The following AFAP1 variants were observed in gnomAD, a reference collection of about 807,000 sequenced individuals.
AFAP1 encodes the protein actin filament associated protein 1.
AFAP1 carries 75 observed loss-of-function variants against 93.9 expected under a neutral mutation model. The ratio of observed to expected loss-of-function variants is 0.80; its 90% CI spans 0.66 to 0.97. The LOEUF is 0.97. AFAP1 is among the 50% of genes least tolerant of loss of function. The pLI is 0.00. For missense variants in AFAP1, 1,201 were observed against 1,050.8 expected, an observed-to-expected ratio of 1.14 and a Z score of -1.98; for synonymous variants, 517 against 430.7, an observed-to-expected ratio of 1.20 and a Z score of -2.48.
At chr4:7,899,435 T>C (rs1190905693) in intron 1 of AFAP1, among the ~76,000 whole-genome samples, 2 of 152,230 alleles carry the variant, frequency 1.3e-5, no homozygotes, top group African/African-American at 2.4e-5. Flanking sequence ...TGCACTGGTA[T>C]GCAAATTATA....
Position 7,761,632 on chromosome 4 carries a change from C to T in AFAP1, c.*2133G>A, listed in dbSNP as rs1037778628. On this transcript the variant is annotated 3_prime_UTR_variant, in exon 18 of 18. Transcript: ENST00000420658. ...TCTTACTAACCACCAAAACCTCACACAGTTCTCTTTGGCAAAGCAGGCTGC... is the reference window on the plus strand; with the variant it reads ...TCTTACTAACCACCAAAACCTCACATAGTTCTCTTTGGCAAAGCAGGCTGC... 6.6e-6 allele frequency: 1 copy of T among 152,308 alleles called. No individual in the cohort carries two copies. The highest frequency in any genetic ancestry group is 1.5e-5 in the Non-Finnish European group (1 of 68,080). 9.4% of individuals were successfully genotyped at this position (152,308 alleles called of 1,614,324 possible).
In AFAP1 at chr4:7,809,663, C is replaced by T. The variant is rs757185908; in HGVS notation, c.1005G>A (p.Pro335=). ...TKIISLGKKK[P]STDEQTSSAE... ...CTGAGGAGGTCTGCTCGTCTGTGGA[C>T]GGCTTTTTCTTTCCCAGACTGATGA... The change falls in exon 9 of 18, where the codon CCG becomes CCA. Residue 335 remains proline, a synonymous_variant. Coordinates refer to ENST00000420658, the MANE Select transcript of AFAP1 (RefSeq NM_001134647.2). The T allele has an allele frequency of 1.9e-5, 30 of 1,613,978 alleles. No individual in the cohort carries two copies. The highest frequency in any genetic ancestry group is 6.7e-5 in the East Asian group (3 of 44,882).
intron 1 of AFAP1, among the ~76,000 whole-genome samples, chr4:7,902,564 T>C (rs980921263): frequency 1.3e-5 from 2 of 151,432 alleles, no homozygotes; most frequent in Admixed American, 6.5e-5. Flanking sequence ...GTCGTGTTTA[T>C]AAAATGTATG....
At chr4:7,842,550 G>A (rs888011884) in intron 5 of AFAP1, 2 of 152,016 alleles carry the variant, frequency 1.3e-5, no homozygotes. Flanking sequence ...GGAGGAGGAA[G>A]GGACGCCACA....
chr4:7,876,610 G>C (rs201773083), intron 1 of AFAP1, among the ~76,000 whole-genome samples: 1 of 152,202 alleles, frequency 6.6e-6, no homozygotes, highest in Non-Finnish European at 1.5e-5. Context: ...AGGCAGCCCC[G>C]CAAGAGAGGA....
chr4:7,800,549 T>C lies in AFAP1; in HGVS notation c.1159A>G (p.Ile387Val), dbSNP rs1192084887. 1.9e-6 allele frequency: 3 copies of C among 1,614,102 alleles called. No individual in the cohort carries two copies. Among genetic ancestry groups the C allele is most frequent in the Non-Finnish European group, 2.5e-6 (3 of 1,179,990 alleles). The change falls in exon 10 of 18, where the codon ATT (isoleucine) becomes GTT (valine). Residue 387 changes from isoleucine to valine, a missense_variant. Ile to Val is a conservative substitution (Grantham distance 29, BLOSUM62 3). Transcript: ENST00000420658. ...HKDRTDLKTH[I>V]VSIPLRGCEV... ...CAGCCACGGAGCGGAATAGACACAATATGGGTCTTCAGGTCGGTCCTGTCC... is the reference window on the plus strand; with the variant it reads ...CAGCCACGGAGCGGAATAGACACAACATGGGTCTTCAGGTCGGTCCTGTCC...
Position 7,800,666 on chromosome 4 carries a change from A to G in AFAP1, c.1055-13T>C, listed in dbSNP as rs201582179. 6.2e-7 allele frequency: 1 copy of G among 1,614,066 alleles called. No individual in the cohort carries two copies. Among genetic ancestry groups the G allele is most frequent in the East Asian group, 2.2e-5 (1 of 44,884 alleles). ...ACGTTCAGATAGCCTGCGGAGACAC[A>G]AGGCCACAGGTCAGCCGCCTCGGAC... On this transcript the variant is annotated splice_polypyrimidine_tract_variant and intron_variant, in intron 9 of 17. Coordinates refer to ENST00000420658, the MANE Select transcript of AFAP1 (RefSeq NM_001134647.2).
In AFAP1 at chr4:7,872,054, G is replaced by T. The variant is rs756331491; in HGVS notation, c.25C>A (p.Arg9Ser). MEELIVEL[R>S]LFLELLDHEY... is the part of the protein sequence containing the mutation. ...TGGTCCAGGAGTTCAAGAAAGAGAC[G>T]AAGTTCAACTATTAACTCTTCCATT... The change falls in exon 2 of 18, where the codon CGT (arginine) becomes AGT (serine). Residue 9 changes from arginine to serine, a missense_variant. Coordinates refer to ENST00000420658, the MANE Select transcript of AFAP1 (RefSeq NM_001134647.2). 1.2e-6 allele frequency: 2 copies of T among 1,613,994 alleles called. No individual in the cohort carries two copies. Among genetic ancestry groups the T allele is most frequent in the Admixed American group, 1.7e-5 (1 of 60,000 alleles).
intron 1 of AFAP1, among the ~76,000 whole-genome samples, chr4:7,889,984 A>T (rs1403754280): frequency 7.2e-6 from 1 of 139,532 alleles, no homozygotes; most frequent in East Asian, 2.2e-4. Context: ...CTCAATCAAG[A>T]TCCCAGGAGC....
At chr4:7,885,204 T>A (rs1423931713) in intron 1 of AFAP1, among the ~76,000 whole-genome samples, 1 of 152,222 alleles carries the variant, frequency 6.6e-6, no homozygotes, top group African/African-American at 2.4e-5. Context: ...TAACCTGGAC[T>A]GTGCTTATTT....
chr4:7,868,926 G>T (rs916155199), intron 2 of AFAP1, among the ~76,000 whole-genome samples: 4 of 115,004 alleles, frequency 3.5e-5, no homozygotes, highest in African/African-American at 6.5e-5. Context: ...TGAAAGAAAA[G>T]AAAAGAGAAA....
intron 9 of AFAP1, among the ~76,000 whole-genome samples, chr4:7,801,584 C>T (rs1719033860): frequency 1.3e-5 from 2 of 152,032 alleles, no homozygotes; most frequent in Admixed American, 6.5e-5. Context: ...TAAATTACTG[C>T]CCCCTTCCTT....
intron 1 of AFAP1, among the ~76,000 whole-genome samples, chr4:7,877,322 T>C (rs75410063): frequency 0.13 from 19,450 of 152,250 alleles, 1,521 homozygotes; most frequent in Non-Finnish European, 0.18. Context: ...CTACATAAAA[T>C]AGCTCATTTG....
chr4:7,866,346 C>G (rs1716397415), intron 3 of AFAP1, among the ~76,000 whole-genome samples: 1 of 152,132 alleles, frequency 6.6e-6, no homozygotes, highest in African/African-American at 2.4e-5. Context: ...CAGCTGCACA[C>G]CACCACACCC....
At chr4:7,854,520 G>A (rs527741340) in intron 4 of AFAP1, among the ~76,000 whole-genome samples, 2 of 152,258 alleles carry the variant, frequency 1.3e-5, no homozygotes, top group South Asian at 2.1e-4. Flanking sequence ...GAATAGCCGC[G>A]CTCGTAGACT....
chr4:7,803,657 C>T (rs1719246780), intron 9 of AFAP1, among the ~76,000 whole-genome samples: 1 of 151,850 alleles, frequency 6.6e-6, no homozygotes, highest in Non-Finnish European at 1.5e-5. Context: ...GACCTGGCCC[C>T]GATTCCCAAC....
chr4:7,854,782 T>C (rs1455847997), intron 4 of AFAP1, among the ~76,000 whole-genome samples: 1 of 152,136 alleles, frequency 6.6e-6, no homozygotes, highest in East Asian at 1.9e-4. Flanking sequence ...TCAACTTTCT[T>C]ATGAGATGGT....
intron 1 of AFAP1, among the ~76,000 whole-genome samples, chr4:7,930,372 GGTGGCTAGCTCAATCTCTCATTGGCCA>G (rs1720998368): frequency 3.8e-4 from 1 of 2,604 alleles, no homozygotes; most frequent in Admixed American, 6.3e-3. Context: ...ATTGGCCACC[GGTGGCTAGCTCAATCTCTCATTGGCCA>G]CCGGTGGCTA....
intron 1 of AFAP1, among the ~76,000 whole-genome samples, chr4:7,929,066 G>T (rs1720922286): frequency 6.6e-6 from 1 of 152,238 alleles, no homozygotes; most frequent in Non-Finnish European, 1.5e-5. Context: ...CTCAGGAGAG[G>T]AGGCAGGGGT....
Sources: gnomAD v4.1 joint callset for allele counts (sites outside exome capture counted in the v4.1 genomes callset) on GRCh38, gnomAD v4.1.1 for gene constraint, MANE v1.5 for transcripts, NCBI Gene and HGNC (gene_info 2026-07-23, HGNC 2026-07-21) for gene names.